Variants in MALT1 observed in about 807,000 individuals in gnomAD.
MALT1 encodes mucosa-associated lymphoid tissue lymphoma translocation protein 1.
In MALT1, 36 loss-of-function variants were observed where a neutral mutation model predicts 85.5. The ratio of observed to expected loss-of-function variants is 0.42; its 90% CI spans 0.32 to 0.56. The LOEUF (loss-of-function observed/expected upper bound fraction) is 0.56, where lower values mean the gene tolerates loss of function less well. Among genes scored for constraint, MALT1 ranks in the 20% least tolerant of loss-of-function variants. The pLI is 0.10. For synonymous variants in MALT1, 359 were observed against 361.3 expected, an observed-to-expected ratio of 0.99 and a Z score of 0.07; for missense variants, 716 against 981.6, an observed-to-expected ratio of 0.73 and a Z score of 3.62.
intron 10 of MALT1, 145 bp from the exon 11 acceptor site, chr18:58,733,246 CTATATT>C (rs1472279105): frequency 4.5e-5 from 26 of 575,232 alleles, no homozygotes; most frequent in Admixed American, 2.3e-4. Context: ...ATAACATTGT[CTATATT>C]TATAATTGGG....
At chr18:58,676,650 C>T (rs187365062) in intron 1 of MALT1, among the ~76,000 whole-genome samples, 10 of 152,294 alleles carry the variant, frequency 6.6e-5, no homozygotes, top group Admixed American at 2.0e-4. Context: ...TGTCTACTTG[C>T]GTTACCTCCA....
At chr18:58,735,077 C>A in intron 12 of MALT1, 125 bp from the exon 13 acceptor site, 1 of 757,784 alleles carries the variant, frequency 1.3e-6, no homozygotes, top group Middle Eastern at 3.7e-4. Context: ...CCCCCCCCAG[C>A]CTCTGGTAAC....
In MALT1 at chr18:58,715,952, A is replaced by G. The variant is rs1263651511; in HGVS notation, c.1003A>G (p.Thr335Ala). 13 of 1,605,452 alleles carry G rather than the reference A, an allele frequency of 8.1e-6. No homozygotes were observed. Among genetic ancestry groups the G allele is most frequent in the Non-Finnish European group, 1.1e-5 (13 of 1,175,840 alleles). The change falls in exon 9 of 17, where the codon ACT (threonine) becomes GCT (alanine). Residue 335 changes from threonine to alanine, a missense_variant. Thr to Ala is a moderately conservative substitution (Grantham distance 58). Around this residue, in one of 4 missense-constraint regions of MALT1, gnomAD observed 290 missense variants for 380.5 expected, o/e 0.76. Transcript: ENST00000649217. ...LGHPDNKEQT[T>A]DQPLAKDKVA... is the part of the protein sequence containing the mutation. ...TTGTATAGATAATAAAGAGCAAACA[A>G]CTGACCAGCCTTTGGGTGAGTAGAA...
intron 1 of MALT1, among the ~76,000 whole-genome samples, chr18:58,674,335 CAGAG>C (rs1266559047): frequency 2.0e-5 from 3 of 152,090 alleles, no homozygotes; most frequent in South Asian, 2.1e-4. Context: ...TGGAGTCACA[CAGAG>C]AGAAGGGGAC....
intron 13 of MALT1, chr18:58,741,622 ATTT>A (rs1255327136): frequency 2.7e-5 from 8 of 290,956 alleles, no homozygotes; most frequent in Non-Finnish European, 5.1e-5. Flanking sequence ...TACATAGAAC[ATTT>A]TTGTTGAATT....
chr18:58,749,412 C>G lies in MALT1; in HGVS notation c.*1570C>G. 9.3e-6 allele frequency: 2 copies of G among 215,606 alleles called. No homozygotes were observed. Among genetic ancestry groups the G allele is most frequent in the Non-Finnish European group, 1.9e-5 (2 of 107,008 alleles). The allele number at this position is 215,606 out of a possible 1,614,324, so 13.4% of individuals were successfully genotyped here. A position where few individuals can be genotyped will look rare whatever the true frequency, so the allele number is the denominator to read the frequency against. On this transcript the variant is annotated 3_prime_UTR_variant, in exon 17 of 17. Transcript: ENST00000649217. The stretch of plus-strand genomic sequence containing the variant: ...GAGCTGAAATTCAAACCCCATCCAG[C>G]TGGCCCCGGAGCCAGAGCTTCTTGT...
At chr18:58,679,196 GT>G (rs1179170110) in intron 1 of MALT1, among the ~76,000 whole-genome samples, 1 of 152,060 alleles carries the variant, frequency 6.6e-6, no homozygotes, top group African/African-American at 2.4e-5. Flanking sequence ...TTCTAATCTG[GT>G]ATACCACTAC....
intron 4 of MALT1, among the ~76,000 whole-genome samples, chr18:58,704,164 A>G (rs1242374786): frequency 6.6e-6 from 1 of 152,202 alleles, no homozygotes; most frequent in Non-Finnish European, 1.5e-5. Flanking sequence ...TTTTCTGGAC[A>G]TATGTTTTAT....
chr18:58,683,093 A>G (rs961433648), intron 2 of MALT1, among the ~76,000 whole-genome samples: 1 of 152,168 alleles, frequency 6.6e-6, no homozygotes, highest in Non-Finnish European at 1.5e-5. Context: ...ATTAATTTTT[A>G]TATTGCTGGT....
At chr18:58,703,084 C>A (rs1400307357) in intron 4 of MALT1, among the ~76,000 whole-genome samples, 9 of 152,156 alleles carry the variant, frequency 5.9e-5, no homozygotes, top group Admixed American at 5.9e-4. Flanking sequence ...ATCGGTCAGG[C>A]GCAATGGCTC....
At position 58,671,650 on chromosome 18, in the gene MALT1, C is replaced by G. The variant is rs2054161886; in HGVS notation, c.7C>G (p.Leu3Val). The change falls in exon 1 of 17, where the codon CTG becomes GTG. Residue 3 changes from leucine (L) to valine (V), a missense_variant. Around this residue, in one of 4 missense-constraint regions of MALT1, gnomAD observed 80 missense variants for 65.1 expected, o/e 1.23. Transcript: ENST00000649217. ...GGGGTCGCCGGCGAGGGCCATGTCG[C>G]TGTTGGGGGACCCGCTACAGGCCCT... is the stretch of plus-strand genomic sequence containing the variant. MS[L>V]LGDPLQALPP... 8.2e-7 allele frequency: 1 copy of G among 1,217,896 alleles called. No individual in the cohort carries two copies. Among genetic ancestry groups the G allele is most frequent in the African/African-American group, 1.6e-5 (1 of 63,610 alleles). 75.4% of individuals were successfully genotyped at this position (1,217,896 alleles called of 1,614,324 possible). A position where few individuals can be genotyped will look rare whatever the true frequency, so the allele number is the denominator to read the frequency against.
chr18:58,679,551 G>A (rs777396503), intron 1 of MALT1, among the ~76,000 whole-genome samples: 5 of 152,292 alleles, frequency 3.3e-5, no homozygotes, highest in African/African-American at 4.8e-5. Context: ...AAGTACTTTG[G>A]TTTTTTTCTT....
chr18:58,699,384 GTC>G (rs1232224014), intron 3 of MALT1, among the ~76,000 whole-genome samples: 26 of 152,206 alleles, frequency 1.7e-4, no homozygotes, highest in African/African-American at 6.0e-4. Context: ...AGTGCAGCCT[GTC>G]ATCCCAGTTG....
chr18:58,725,095 A>G (rs1274982637), intron 10 of MALT1, among the ~76,000 whole-genome samples: 1 of 151,634 alleles, frequency 6.6e-6, no homozygotes, highest in East Asian at 1.9e-4. Flanking sequence ...ACACCACTGC[A>G]CTTCAGCCTG....
At chr18:58,734,466 C>A in intron 12 of MALT1, 85 bp downstream of exon 12, 2 of 1,022,672 alleles carry the variant, frequency 2.0e-6, no homozygotes, top group Non-Finnish European at 1.5e-6. Context: ...GGGGTCTTAA[C>A]TCTGTCACCC....
chr18:58,689,254 A>C (rs560198640), intron 2 of MALT1, among the ~76,000 whole-genome samples: 2 of 98,444 alleles, frequency 2.0e-5, no homozygotes, highest in South Asian at 5.6e-4. Flanking sequence ...GCCATTTTAC[A>C]ATGTAAAAAA....
At chr18:58,742,232 T>C (rs547375793) in intron 14 of MALT1, among the ~76,000 whole-genome samples, 5 of 152,332 alleles carry the variant, frequency 3.3e-5, no homozygotes, top group African/African-American at 9.6e-5. Context: ...TCACTATTGG[T>C]AAAATTTAAA....
intron 11 of MALT1, chr18:58,733,850 G>T: frequency 2.5e-6 from 3 of 1,197,420 alleles, no homozygotes; most frequent in Non-Finnish European, 2.1e-6. Context: ...GCCTTTAGAT[G>T]ACTTTAATAA....
chr18:58,707,523 C>T (rs2054770486), intron 4 of MALT1, among the ~76,000 whole-genome samples: 1 of 151,986 alleles, frequency 6.6e-6, no homozygotes, highest in African/African-American at 2.4e-5. Context: ...TTTGCTGCAC[C>T]CGTTAACCTG....
Sources: gnomAD v4.1 joint callset for allele counts (sites outside exome capture counted in the v4.1 genomes callset) on GRCh38, gnomAD v4.1.1 for gene constraint, gnomAD v4.1.1 regional missense constraint, MANE v1.5 for transcripts, NCBI Gene and HGNC (gene_info 2026-07-23, HGNC 2026-07-21) for gene names.